Variants in RXFP1 observed in about 807,000 individuals in gnomAD.
The protein encoded by RXFP1 is relaxin receptor 1.
RXFP1 carries 73 observed loss-of-function variants against 89.8 expected under a neutral mutation model. The ratio of observed to expected loss-of-function variants is 0.81; its 90% CI spans 0.67 to 0.99. The LOEUF is 0.99. Among genes scored for constraint, RXFP1 ranks in the 50% least tolerant of loss-of-function variants. RXFP1 has a pLI of 0.00. For synonymous variants in RXFP1, 277 were observed against 305.5 expected (o/e 0.91, Z 0.97); for missense variants, 793 against 895.5 (o/e 0.89, Z 1.46).
At chr4:158,527,401 G>T (rs1742792072) in intron 1 of RXFP1, among the ~76,000 whole-genome samples, 1 of 151,082 alleles carries the variant, frequency 6.6e-6, no homozygotes, top group East Asian at 2.0e-4. Flanking sequence ...AAGTTAGCCG[G>T]GCGTGGTGGT....
intron 1 of RXFP1, among the ~76,000 whole-genome samples, chr4:158,560,852 G>A (rs547242308): frequency 7.9e-5 from 12 of 152,302 alleles, no homozygotes; most frequent in Admixed American, 7.8e-4. Flanking sequence ...TCACTGGTCG[G>A]AACTGTGCCC....
At chr4:158,556,255 A>G (rs1373895833) in intron 1 of RXFP1, among the ~76,000 whole-genome samples, 8 of 152,106 alleles carry the variant, frequency 5.3e-5, no homozygotes. Context: ...AAAAATGGAC[A>G]AAAGACCTTA....
chr4:158,574,052 T>C (rs1244074606), intron 2 of RXFP1, among the ~76,000 whole-genome samples: 1 of 152,192 alleles, frequency 6.6e-6, no homozygotes, highest in Non-Finnish European at 1.5e-5. Flanking sequence ...TATGGGAAAA[T>C]AGCTTTCAGT....
Position 158,572,646 on chromosome 4 carries a change from C to G in RXFP1, c.50-52C>G. The G allele has an allele frequency of 2.6e-6, 4 of 1,528,592 alleles. No individual in the cohort carries two copies. The South Asian group carries it at 4.5e-5, about 17-fold the overall frequency. The allele number at this position is 1,528,592 out of a possible 1,614,324, so 94.7% of individuals were successfully genotyped here. ...ATCAGGGAGAAACTGCTCTTTGCCA[C>G]GCCTTTGTATTAACCACCTTCAAAC... On this transcript the variant is annotated intron_variant, in intron 1 of 17. Transcript: ENST00000307765.
intron 1 of RXFP1, among the ~76,000 whole-genome samples, chr4:158,524,609 T>C (rs1742021366): frequency 6.6e-6 from 1 of 152,242 alleles, no homozygotes; most frequent in African/African-American, 2.4e-5. Flanking sequence ...GTCTAATTAA[T>C]TGTATTGTGC....
chr4:158,636,510 C>T lies in RXFP1; in HGVS notation c.972-1498C>T, dbSNP rs1226410856. Among the ~76,000 whole-genome samples, 5 of 152,104 alleles carry T rather than the reference C, an allele frequency of 3.3e-5. No homozygotes were observed. The East Asian group carries it at 5.8e-4, about 18-fold the overall frequency. ...TTATTAGGTCTCAGTCTATCACTAC[C>T]GTAATCACAGAGTATCTACCACAAG... On this transcript the variant is annotated intron_variant, in intron 12 of 17. Transcript: ENST00000307765.
intron 1 of RXFP1, among the ~76,000 whole-genome samples, chr4:158,567,591 T>C (rs962548273): frequency 6.6e-6 from 1 of 152,228 alleles, no homozygotes; most frequent in Non-Finnish European, 1.5e-5. Flanking sequence ...CGATCGGCAC[T>C]CTGTATCTAG....
intron 9 of RXFP1, among the ~76,000 whole-genome samples, chr4:158,617,702 A>G (rs1358579971): frequency 6.6e-6 from 1 of 152,164 alleles, no homozygotes; most frequent in African/African-American, 2.4e-5. Flanking sequence ...TCCACCATTT[A>G]GAACTCAACC....
At chr4:158,563,238 A>T (rs1752854001) in intron 1 of RXFP1, among the ~76,000 whole-genome samples, 1 of 152,196 alleles carries the variant, frequency 6.6e-6, no homozygotes. Flanking sequence ...TTCTTTCTGC[A>T]TCTGGCATCT....
At chr4:158,539,403 G>A (rs947383583) in intron 1 of RXFP1, among the ~76,000 whole-genome samples, 1 of 151,898 alleles carries the variant, frequency 6.6e-6, no homozygotes, top group Non-Finnish European at 1.5e-5. Context: ...AATGGGTGCA[G>A]CACACCACAT....
rs775357458 is a variant in RXFP1, at chr4:158,593,472, C to G, written c.259C>G (p.Pro87Ala). Residue 87 changes from proline to alanine, a missense_variant, in exon 3 of 18, where the codon CCT becomes GCT. By Grantham distance (27) the Pro-to-Ala change is conservative. Coordinates refer to ENST00000307765, the MANE Select transcript of RXFP1 (RefSeq NM_021634.4). ...ASYYKMTSQY[P>A]FEAETPECLV... The stretch of plus-strand genomic sequence containing the variant: ...TTACTACAAAATGACTTCCCAATAT[C>G]CTTTTGAGGCAGAAACACCTGAATG... The G allele has an allele frequency of 2.5e-6, 4 of 1,608,680 alleles. No homozygotes were observed. Among genetic ancestry groups the G allele is most frequent in the Non-Finnish European group, 3.4e-6 (4 of 1,175,870 alleles).
chr4:158,647,539 A>G (rs1451072086), intron 16 of RXFP1, among the ~76,000 whole-genome samples: 1 of 152,216 alleles, frequency 6.6e-6, no homozygotes, highest in Non-Finnish European at 1.5e-5. Context: ...CAATGTAAAA[A>G]TATTTTCAGA....
chr4:158,573,918 A>G (rs984552005), intron 2 of RXFP1, among the ~76,000 whole-genome samples: 2 of 152,232 alleles, frequency 1.3e-5, no homozygotes, highest in African/African-American at 4.8e-5. Context: ...TTTTGGGACG[A>G]AAAGTGAGTT....
At chr4:158,646,311 A>C in intron 15 of RXFP1, 1 of 464,136 alleles carries the variant, frequency 2.2e-6, no homozygotes, top group Non-Finnish European at 4.3e-6. Flanking sequence ...AGGCTTCAGA[A>C]TTCAGTCATT....
chr4:158,563,535 CA>C (rs1349531574), intron 1 of RXFP1, among the ~76,000 whole-genome samples: 40 of 123,028 alleles, frequency 3.3e-4, no homozygotes, highest in African/African-American at 1.0e-3. Context: ...CACACACACA[CA>C]CCCCAACAGG....
chr4:158,628,734 A>G lies in RXFP1; in HGVS notation c.899+25A>G, dbSNP rs150247294. ...TGTAAGTATGACTGAACATATACTG[A>G]TAAGAATTTTCTTTCTACTGTTTTT... On this transcript the variant is annotated intron_variant, in intron 11 of 17. Coordinates refer to ENST00000307765, the MANE Select transcript of RXFP1 (RefSeq NM_021634.4). 6.1e-6 allele frequency: 8 copies of G among 1,315,724 alleles called. No individual in the cohort carries two copies. The Admixed American group carries it at 6.2e-5, about 10-fold the overall frequency. The allele number at this position is 1,315,724 out of a possible 1,614,324, so 81.5% of individuals were successfully genotyped here. A position where few individuals can be genotyped will look rare whatever the true frequency, so the allele number is the denominator to read the frequency against.
Position 158,521,927 on chromosome 4 carries a change from A to G in RXFP1, c.-50A>G. 1 of 1,404,940 alleles carries G rather than the reference A, an allele frequency of 7.1e-7. No homozygotes were observed. Among genetic ancestry groups the G allele is most frequent in the Non-Finnish European group, 1.0e-6 (1 of 995,752 alleles). 87.0% of individuals were successfully genotyped at this position (1,404,940 alleles called of 1,614,324 possible). A position where few individuals can be genotyped will look rare whatever the true frequency, so the allele number is the denominator to read the frequency against. ...GTGAGCTGTATGCGATTCAGAAACC[A>G]AGACCAAATTTTGCTCACTTTCATT... On this transcript the variant is annotated 5_prime_UTR_variant, in exon 1 of 18. Coordinates refer to ENST00000307765, the MANE Select transcript of RXFP1 (RefSeq NM_021634.4).
chr4:158,589,773 C>T (rs992556209), intron 2 of RXFP1, among the ~76,000 whole-genome samples: 3 of 152,082 alleles, frequency 2.0e-5, no homozygotes, highest in Non-Finnish European at 4.4e-5. Context: ...ATATGACAGA[C>T]GGAGCACAGT....
chr4:158,541,727 G>A (rs1365919895), intron 1 of RXFP1, among the ~76,000 whole-genome samples: 5 of 151,780 alleles, frequency 3.3e-5, no homozygotes, highest in African/African-American at 9.7e-5. Flanking sequence ...ACTCACTGAC[G>A]ACATTATGAC....
Sources: gnomAD v4.1 joint callset for allele counts (sites outside exome capture counted in the v4.1 genomes callset) on GRCh38, gnomAD v4.1.1 for gene constraint, MANE v1.5 for transcripts, NCBI Gene and HGNC (gene_info 2026-07-23, HGNC 2026-07-21) for gene names.